Variants in LAMA4 observed in about 807,000 individuals in gnomAD.
LAMA4 encodes the protein laminin subunit alpha-4.
In LAMA4, 127 loss-of-function variants were observed where a neutral mutation model predicts 207.1. That is an observed-to-expected ratio of 0.61 (90% CI 0.53 to 0.71). The LOEUF is 0.71. Among genes scored for constraint, LAMA4 ranks in the 30% least tolerant of loss-of-function variants. The pLI, the probability that LAMA4 is intolerant of heterozygous loss-of-function variation, is 0.00. For synonymous variants in LAMA4, 761 were observed against 816.0 expected, an observed-to-expected ratio of 0.93 and a Z score of 1.15; for missense variants, 2,093 against 2,246.5, an observed-to-expected ratio of 0.93 and a Z score of 1.38.
At chr6:112,195,938 TAC>T (rs149514155) in intron 5 of LAMA4, among the ~76,000 whole-genome samples, 8,888 of 146,978 alleles carry the variant, frequency 0.06, 764 homozygotes, top group African/African-American at 0.2. Flanking sequence ...ATGAACTAAG[TAC>T]ACACACACAC....
At chr6:112,222,268 AT>A (rs1784965890) in intron 2 of LAMA4, among the ~76,000 whole-genome samples, 1 of 152,184 alleles carries the variant, frequency 6.6e-6, no homozygotes, top group African/African-American at 2.4e-5. Flanking sequence ...TTTGACAGCG[AT>A]TTCACCATAA....
At chr6:112,241,172 A>AATATATATATGAAGATATATGAAT (rs61692382) in intron 2 of LAMA4, among the ~76,000 whole-genome samples, 1 of 89,404 alleles carries the variant, frequency 1.1e-5, no homozygotes, top group African/African-American at 5.4e-5. Context: ...AATATATATG[A>AATATATATATGAAGATATATGAAT]ATATATATGA....
intron 2 of LAMA4, among the ~76,000 whole-genome samples, chr6:112,241,172 A>ATTT (rs1554187633): frequency 4.1e-4 from 37 of 89,316 alleles, no homozygotes; most frequent in African/African-American, 7.0e-4. Context: ...AATATATATG[A>ATTT]ATATATATGA....
At chr6:112,140,669 TCAG>T (rs1779635147) in intron 22 of LAMA4, 88 bp downstream of exon 22, 1 of 1,233,364 alleles carries the variant, frequency 8.1e-7, no homozygotes, top group Admixed American at 1.9e-5. Context: ...TAAAGTGATA[TCAG>T]CAACCCCCAA....
At chr6:112,165,403 C>A in intron 12 of LAMA4, 127 bp from the exon 13 acceptor site, 1 of 738,716 alleles carries the variant, frequency 1.4e-6, no homozygotes, top group Non-Finnish European at 2.5e-6. Context: ...CCAGCTCCAT[C>A]CTTGCTGTGT....
chr6:112,133,484 G>C lies in LAMA4; in HGVS notation c.3561C>G (p.Ala1187=). The C allele has an allele frequency of 1.9e-6, 3 of 1,613,498 alleles. No individual in the cohort carries two copies. Among genetic ancestry groups the C allele is most frequent in the Non-Finnish European group, 2.5e-6 (3 of 1,179,634 alleles). The change falls in exon 27 of 39, where the codon GCC becomes GCG. Residue 1187 remains alanine, a synonymous_variant. Transcript: ENST00000230538. ...GAPPEILQSR[A]LRAHLPLDIN... ...TATCTAGGGGAAGGTGTGCTCTGAGGGCCCTGGAAAAGAAAGTCAGCCTCA... is the reference window on the plus strand; with the variant it reads ...TATCTAGGGGAAGGTGTGCTCTGAGCGCCCTGGAAAAGAAAGTCAGCCTCA...
intron 12 of LAMA4, among the ~76,000 whole-genome samples, chr6:112,170,851 C>G (rs1317022716): frequency 6.6e-6 from 1 of 152,056 alleles, no homozygotes; most frequent in Non-Finnish European, 1.5e-5. Context: ...GAAGTAATGC[C>G]TGAGGTAAGA....
chr6:112,179,640 A>T (rs117478813), intron 9 of LAMA4: 2,015 of 182,838 alleles, frequency 0.011, 14 homozygotes, highest in Non-Finnish European at 0.017. Context: ...TACCCAGAGG[A>T]TTATGCCATG....
At chr6:112,235,244 A>T (rs1261318887) in intron 2 of LAMA4, among the ~76,000 whole-genome samples, 1 of 152,218 alleles carries the variant, frequency 6.6e-6, no homozygotes, top group Non-Finnish European at 1.5e-5. Context: ...TGTTCATAGC[A>T]AAGTCCCTGG....
intron 16 of LAMA4, among the ~76,000 whole-genome samples, chr6:112,153,202 T>C (rs1209359245): frequency 1.3e-5 from 2 of 152,236 alleles, no homozygotes; most frequent in South Asian, 2.1e-4. Flanking sequence ...TTACTGATCA[T>C]TGAAAGGAAT....
At chr6:112,156,511 A>G (rs1171883171) in intron 14 of LAMA4, among the ~76,000 whole-genome samples, 10 of 152,208 alleles carry the variant, frequency 6.6e-5, no homozygotes, top group African/African-American at 2.2e-4. Context: ...TTTTATTGAC[A>G]AATACTTCTA....
rs782720904 is a variant in LAMA4 at position 112,254,193 on chromosome 6, C to T, written c.-43G>A. 2.5e-6 allele frequency: 4 copies of T among 1,610,728 alleles called. No homozygotes were observed. Among genetic ancestry groups the T allele is most frequent in the South Asian group, 1.1e-5 (1 of 90,450 alleles). ...GTAGTGCTCTTCCAGGGCTCGGGCG[C>T]TGTGGGTCTCCGTAGGTCTCCCGCG... On this transcript the variant is annotated 5_prime_UTR_variant, in exon 2 of 39. Transcript: ENST00000230538.
intron 2 of LAMA4, among the ~76,000 whole-genome samples, chr6:112,227,185 C>T (rs902360928): frequency 3.3e-5 from 5 of 152,064 alleles, no homozygotes; most frequent in African/African-American, 1.2e-4. Flanking sequence ...AATTGTCTGT[C>T]TCAGCCTCCT....
intron 31 of LAMA4, among the ~76,000 whole-genome samples, chr6:112,124,196 C>T (rs1778543630): frequency 6.6e-6 from 1 of 152,146 alleles, no homozygotes; most frequent in Non-Finnish European, 1.5e-5. Flanking sequence ...GGACTTTCCC[C>T]AACTCTGGCT....
At chr6:112,211,237 G>A (rs1422224143) in intron 3 of LAMA4, among the ~76,000 whole-genome samples, 1 of 152,092 alleles carries the variant, frequency 6.6e-6, no homozygotes, top group Non-Finnish European at 1.5e-5. Context: ...ACCTAATATT[G>A]GCAGCACTGT....
In LAMA4 at chr6:112,172,694, C is replaced by A; in HGVS notation, c.1468G>T (p.Glu490Ter). Residue 490 changes from glutamate to a stop codon, truncating the protein, a stop_gained, in exon 12 of 39, where the codon GAA (glutamate) becomes TAA (stop). Coordinates refer to ENST00000230538, the MANE Select transcript of LAMA4 (RefSeq NM_001105206.3). LOFTEE classifies it high-confidence loss of function. ...DYNAKLSDLQEALDQALNYVR... is the reference protein window; with the variant it reads ...DYNAKLSDLQ ...TAGTTAAGGGCCTGGTCAAGTGCTT[C>A]CTGGAGATCTGACAACTTAGCATTG... 1.2e-6 allele frequency: 2 copies of A among 1,613,902 alleles called. No homozygotes were observed. The highest frequency in any genetic ancestry group is 1.7e-6 in the Non-Finnish European group (2 of 1,179,984).
In LAMA4 at chr6:112,187,651, G is replaced by C; in HGVS notation, c.815-50C>G. The C allele has an allele frequency of 5.7e-6, 9 of 1,586,810 alleles. 1 individual carries two copies. In the South Asian group the frequency reaches 1.0e-4, roughly 18 times the overall value. ...ATCACAAGTCAAAAGCATGCTAAAG[G>C]CAGGCCGTTTTAGCAGAACATAAAT... On this transcript the variant is annotated intron_variant, in intron 7 of 38. Transcript: ENST00000230538.
Position 112,158,863 on chromosome 6 carries a change from A to G in LAMA4, c.1686T>C (p.Tyr562=). 6.2e-7 allele frequency: 1 copy of G among 1,611,476 alleles called. No homozygotes were observed. The change falls in exon 14 of 39, where the codon TAT becomes TAC. Residue 562 remains tyrosine, a synonymous_variant. Coordinates refer to ENST00000230538, the MANE Select transcript of LAMA4 (RefSeq NM_001105206.3). ...DDIIKNASGI[Y]AEIDGAKSEL... is the part of the protein sequence containing the mutation. ...CACTTTTGGCTCCATCTATTTCTGCATAAATCCCTGACGCATTCTAAAGAA... is the reference window on the plus strand; with the variant it reads ...CACTTTTGGCTCCATCTATTTCTGCGTAAATCCCTGACGCATTCTAAAGAA...
At position 112,118,650 on chromosome 6, in the gene LAMA4, A is replaced by G. The variant is rs1034582225; in HGVS notation, c.4821+506T>C. ...TAAATTACACAAATAATATTTTTCT[A>G]CTATATTCTCACTTCTCCCCAGGGC... On this transcript the variant is annotated intron_variant, in intron 34 of 38. Transcript: ENST00000230538. This position sits in a 1 kb window ranked among gnomAD's most constrained non-coding sequence, Gnocchi z 4.6. Among the ~76,000 whole-genome samples the G allele has an allele frequency of 6.6e-6, 1 of 152,006 alleles. No homozygotes were observed. Among genetic ancestry groups the G allele is most frequent in the Non-Finnish European group, 1.5e-5 (1 of 68,008 alleles).
Sources: gnomAD v4.1 joint callset for allele counts (sites outside exome capture counted in the v4.1 genomes callset) on GRCh38, gnomAD v4.1.1 for gene constraint, Gnocchi (gnomAD v3.1) non-coding constraint, MANE v1.5 for transcripts, NCBI Gene and HGNC (gene_info 2026-07-23, HGNC 2026-07-21) for gene names.